The following PGPEP1L variants were observed in gnomAD, a reference collection of about 807,000 sequenced individuals.
The protein encoded by PGPEP1L is pyroglutamyl-peptidase I like.
Under a neutral mutation model 6.0 loss-of-function variants are expected in PGPEP1L, and 7 were observed. That is an observed-to-expected ratio of 1.17 (90% CI 0.66 to 2.19). The LOEUF (loss-of-function observed/expected upper bound fraction) is 2.19. Ranked by LOEUF, PGPEP1L falls within the 30% of genes most tolerant of loss-of-function variation. The probability of loss-of-function intolerance (pLI) is 0.00; values close to 1 mark genes in which losing one functional copy is unlikely to be tolerated. For synonymous variants in PGPEP1L, 103 were observed against 83.9 expected, an observed-to-expected ratio of 1.23 and a Z score of -1.24; for missense variants, 209 against 192.5, an observed-to-expected ratio of 1.09 and a Z score of -0.51.
At chr15:98,979,527 G>T (rs183212068) in intron 2 of PGPEP1L, among the ~76,000 whole-genome samples, 1 of 151,494 alleles carries the variant, frequency 6.6e-6, no homozygotes, top group East Asian at 1.9e-4. Flanking sequence ...CAATCAATGA[G>T]TGGATAAAGA....
At chr15:98,993,157 G>A (rs2017841020) in intron 2 of PGPEP1L, among the ~76,000 whole-genome samples, 1 of 152,128 alleles carries the variant, frequency 6.6e-6, no homozygotes. Context: ...ACTATCATCA[G>A]AGTGAACAAG....
chr15:98,982,199 C>T (rs934671174), intron 2 of PGPEP1L, among the ~76,000 whole-genome samples: 7 of 152,202 alleles, frequency 4.6e-5, no homozygotes, highest in Non-Finnish European at 8.8e-5. Context: ...GCATGTGGAC[C>T]GTGGGGTCTC....
intron 2 of PGPEP1L, among the ~76,000 whole-genome samples, chr15:98,988,301 G>T (rs967874714): frequency 6.6e-6 from 1 of 152,002 alleles, no homozygotes; most frequent in African/African-American, 2.4e-5. Flanking sequence ...GAGCTTGGTG[G>T]GGGGGAGGGG....
At chr15:98,989,286 A>G (rs868957312) in intron 2 of PGPEP1L, among the ~76,000 whole-genome samples, 1 of 152,234 alleles carries the variant, frequency 6.6e-6, no homozygotes, top group South Asian at 2.1e-4. Context: ...AGAGAAGAAC[A>G]TAATTGACCT....
chr15:98,985,238 A>G (rs960680787), intron 2 of PGPEP1L, among the ~76,000 whole-genome samples: 1 of 152,034 alleles, frequency 6.6e-6, no homozygotes, highest in Non-Finnish European at 1.5e-5. Flanking sequence ...CTTGATTTCT[A>G]CTAAGTTTTA....
At position 98,968,694 on chromosome 15, in the gene PGPEP1L, G is replaced by A. The variant is rs187167423; in HGVS notation, c.213C>T (p.Tyr71=). 1.1e-4 allele frequency: 176 copies of A among 1,561,602 alleles called. No homozygotes were observed. In the Admixed American group the frequency reaches 2.7e-3, roughly 24 times the overall value. ...DVIFSRDAGR[Y]VCDYTYYLSL... is the part of the protein sequence containing the mutation. ...ACAGGTAATAGGTATAATCACAGAC[G>A]TATCTGCAACCACAGGAAATGCCAC... The change falls in exon 5 of 5, where the codon TAC becomes TAT. Residue 71 remains tyrosine, a synonymous_variant. Coordinates refer to ENST00000535714, the MANE Select transcript of PGPEP1L (RefSeq NM_001167902.2).
chr15:99,000,149 G>A (rs993858219), intron 2 of PGPEP1L, among the ~76,000 whole-genome samples: 2 of 152,234 alleles, frequency 1.3e-5, no homozygotes, highest in Non-Finnish European at 2.9e-5. Flanking sequence ...GGGAGTGGCC[G>A]GCCAGCCCCG....
intron 2 of PGPEP1L, among the ~76,000 whole-genome samples, chr15:98,987,983 G>A (rs1023872594): frequency 5.3e-5 from 8 of 152,210 alleles, no homozygotes; most frequent in African/African-American, 1.9e-4. Flanking sequence ...TATGGTCTTT[G>A]CAACTGGCAG....
At chr15:98,981,304 AAC>A (rs1276292906) in intron 2 of PGPEP1L, among the ~76,000 whole-genome samples, 1 of 152,052 alleles carries the variant, frequency 6.6e-6, no homozygotes, top group Admixed American at 6.5e-5. Flanking sequence ...CATCCTGGCT[AAC>A]ACAGTGAAAC....
rs188072123 is a variant in PGPEP1L, at chr15:98,979,969, T to C, written c.-141-8811A>G. On this transcript the variant is annotated intron_variant, in intron 2 of 4. Coordinates refer to ENST00000535714, the MANE Select transcript of PGPEP1L (RefSeq NM_001167902.2). ...AACACCATATGTCCTCACTCATAAG[T>C]GGGAGCTAAGCTATGAGGATGCAAA... Among the ~76,000 whole-genome samples, 243 of 152,144 alleles carry C rather than the reference T, an allele frequency of 1.6e-3. 1 individual carries two copies. Among genetic ancestry groups the C allele is most frequent in the Non-Finnish European group, 2.7e-3 (184 of 68,006 alleles).
At chr15:98,991,927 A>C (rs1260630327) in intron 2 of PGPEP1L, among the ~76,000 whole-genome samples, 1 of 152,216 alleles carries the variant, frequency 6.6e-6, no homozygotes, top group Non-Finnish European at 1.5e-5. Flanking sequence ...ACTCTCAATA[A>C]ACTAGGTACT....
At chr15:98,988,651 C>A (rs1555471753) in intron 2 of PGPEP1L, among the ~76,000 whole-genome samples, 1 of 110,886 alleles carries the variant, frequency 9.0e-6, no homozygotes, top group East Asian at 2.7e-4. Context: ...AAGGGACAGA[C>A]TACCTCCTCC....
In PGPEP1L at chr15:99,000,862, C is replaced by T. The variant is rs188395573; in HGVS notation, c.-142+4567G>A. On this transcript the variant is annotated intron_variant, in intron 2 of 4. Coordinates refer to ENST00000535714, the MANE Select transcript of PGPEP1L (RefSeq NM_001167902.2). ...GGCAACCCACTCGGGTCCCCTTCCACACTGTGGAAGCTTTGTTCTTTCGCT... is the reference window on the plus strand; with the variant it reads ...GGCAACCCACTCGGGTCCCCTTCCATACTGTGGAAGCTTTGTTCTTTCGCT... Among the ~76,000 whole-genome samples the T allele has an allele frequency of 2.0e-5, 3 of 152,296 alleles. No individual in the cohort carries two copies. The East Asian group carries it at 5.8e-4, about 29-fold the overall frequency.
intron 2 of PGPEP1L, among the ~76,000 whole-genome samples, chr15:98,995,066 CTG>C (rs376066725): frequency 1.3e-5 from 2 of 152,286 alleles, no homozygotes; most frequent in African/African-American, 4.8e-5. Flanking sequence ...GTGCTCATCT[CTG>C]TGGATTCATG....
Position 98,971,197 on chromosome 15 carries a change from G to A in PGPEP1L, c.-141-39C>T, listed in dbSNP as rs761427062. 42 of 324,028 alleles carry A rather than the reference G, an allele frequency of 1.3e-4. 1 individual carries two copies. Among genetic ancestry groups the A allele is most frequent in the South Asian group, 8.3e-4 (21 of 25,222 alleles). 20.1% of individuals were successfully genotyped at this position (324,028 alleles called of 1,614,324 possible). A position where few individuals can be genotyped will look rare whatever the true frequency, so the allele number is the denominator to read the frequency against. On this transcript the variant is annotated intron_variant, in intron 2 of 4. Transcript: ENST00000535714. ...CAGGTGGACTTGCCTCAGTTGATGG[G>A]GGGGGGGGGGGGGTGGGCACCAAGA...
At chr15:99,006,831 A>C (rs2018074500) in intron 1 of PGPEP1L, among the ~76,000 whole-genome samples, 1 of 152,094 alleles carries the variant, frequency 6.6e-6, no homozygotes, top group Admixed American at 6.6e-5. Context: ...TTAAACTGAA[A>C]ATACTTTTTT....
At chr15:98,974,330 G>T (rs2017538359) in intron 2 of PGPEP1L, among the ~76,000 whole-genome samples, 1 of 152,050 alleles carries the variant, frequency 6.6e-6, no homozygotes, top group African/African-American at 2.4e-5. Flanking sequence ...AGTAAGCCAA[G>T]ATCACAGCAC....
Position 99,007,695 on chromosome 15 carries a change from G to A in PGPEP1L, c.-706C>T, listed in dbSNP as rs565394376. The A allele has an allele frequency of 2.6e-5, 4 of 152,298 alleles. No homozygotes were observed. The highest frequency in any genetic ancestry group is 9.6e-5 in the African/African-American group (4 of 41,550). 9.4% of individuals were successfully genotyped at this position (152,298 alleles called of 1,614,324 possible). On this transcript the variant is annotated 5_prime_UTR_variant, in exon 1 of 5. Transcript: ENST00000535714. ...ACGGTGAGCGTTACAGCTCATAAAG[G>A]CAGTGCGGACCCAAACAGTAAGCAG... is the stretch of plus-strand genomic sequence containing the variant.
intron 2 of PGPEP1L, among the ~76,000 whole-genome samples, chr15:98,989,724 C>T (rs1317235373): frequency 6.6e-6 from 1 of 151,976 alleles, no homozygotes; most frequent in African/African-American, 2.4e-5. Flanking sequence ...TTAAGGGCAC[C>T]CAGAGAGAAA....
Sources: allele counts gnomAD v4.1 joint callset (sites outside exome capture counted in the v4.1 genomes callset), GRCh38; gene constraint gnomAD v4.1.1; transcripts MANE v1.5; gene names NCBI Gene and HGNC (gene_info 2026-07-23, HGNC 2026-07-21).